Variants in ARL2 observed in about 807,000 individuals in gnomAD.
ARL2 encodes ARF like GTPase 2.
A neutral mutation model predicts 22.0 loss-of-function variants in ARL2; 11 were observed. That is an observed-to-expected ratio of 0.50 (90% CI 0.31 to 0.83). ARL2 has a LOEUF of 0.83. Among genes scored for constraint, ARL2 ranks in the 40% least tolerant of loss-of-function variants. The pLI is 0.04. For missense variants in ARL2, 216 were observed against 243.2 expected, an observed-to-expected ratio of 0.89 and a Z score of 0.74; for synonymous variants, 111 against 100.8, an observed-to-expected ratio of 1.10 and a Z score of -0.61.
At chr11:65,014,705 C>G (rs890313111) in intron 1 of ARL2, among the ~76,000 whole-genome samples, 2 of 152,308 alleles carry the variant, frequency 1.3e-5, no homozygotes, top group Non-Finnish European at 2.9e-5. Context: ...GTGTGGGCTC[C>G]GCGGATCCTT....
intron 1 of ARL2, among the ~76,000 whole-genome samples, chr11:65,016,933 A>T (rs2136904294): frequency 6.6e-6 from 1 of 152,090 alleles, no homozygotes; most frequent in South Asian, 2.1e-4. Context: ...AGGGTGAGCC[A>T]CTCCATCAGG....
chr11:65,015,144 G>A (rs1390580189), intron 1 of ARL2, among the ~76,000 whole-genome samples: 2 of 150,724 alleles, frequency 1.3e-5, no homozygotes, highest in Non-Finnish European at 3.0e-5. Context: ...ACGGAGTTTC[G>A]CTCTTGTTGC....
chr11:65,021,830 C>T lies in ARL2; in HGVS notation c.530C>T (p.Ser177Phe). 1 of 1,613,372 alleles carries T rather than the reference C, an allele frequency of 6.2e-7. No homozygotes were observed. Among genetic ancestry groups the T allele is most frequent in the Non-Finnish European group, 8.5e-7 (1 of 1,179,936 alleles). The part of the protein sequence containing the change: ...PGIDWLLDDI[S>F]SRIFTAD ...ATCGACTGGCTCCTGGATGACATTT[C>T]CAGCCGCATTTTCACAGCTGACTGA... The change falls in exon 5 of 5, where the codon TCC (serine) becomes TTC (phenylalanine). Residue 177 changes from serine (S) to phenylalanine (F), a missense_variant. Transcript: ENST00000246747.
intron 1 of ARL2, among the ~76,000 whole-genome samples, chr11:65,016,290 G>C (rs1000647835): frequency 1.3e-5 from 2 of 149,920 alleles, no homozygotes; most frequent in East Asian, 2.0e-4. Context: ...AAACTTTAAA[G>C]CAAAGGGAAC....
rs1261716989 is a variant in ARL2, at chr11:65,022,077, A to G, written c.*222A>G. 6.5e-6 allele frequency: 4 copies of G among 613,242 alleles called. No homozygotes were observed. The highest frequency in any genetic ancestry group is 1.1e-5 in the Non-Finnish European group (4 of 361,174). The allele number at this position is 613,242 out of a possible 1,614,324, so 38.0% of individuals were successfully genotyped here. ...CTGGCTCCTGACCTGGCCTTTGGCT[A>G]CCATACCAAGAAGAGAGGGCTGGGC... On this transcript the variant is annotated 3_prime_UTR_variant, in exon 5 of 5. Transcript: ENST00000246747.
Position 65,018,856 on chromosome 11 carries a change from C to T in ARL2, c.339+123C>T. ...CAGGATCCCTTCCTTCTCTGGGCCC[C>T]CACCATGGGAGGCCCATGGTGCCAG... On this transcript the variant is annotated intron_variant, in intron 3 of 4. Transcript: ENST00000246747. The surrounding 1 kb of genome is among the most constrained non-coding windows in gnomAD (Gnocchi z 4.2). 6.5e-7 allele frequency: 1 copy of T among 1,540,394 alleles called. No homozygotes were observed. The highest frequency in any genetic ancestry group is 8.7e-7 in the Non-Finnish European group (1 of 1,148,932).
Position 65,021,930 on chromosome 11 carries a change from A to G in ARL2, c.*75A>G. 1 of 1,549,048 alleles carries G rather than the reference A, an allele frequency of 6.5e-7. No homozygotes were observed. The highest frequency in any genetic ancestry group is 1.2e-5 in the South Asian group (1 of 85,232). On this transcript the variant is annotated 3_prime_UTR_variant, in exon 5 of 5. Coordinates refer to ENST00000246747, the MANE Select transcript of ARL2 (RefSeq NM_001667.4). The stretch of plus-strand genomic sequence containing the variant: ...CAAACACTACCCATGGGGGGTTGGG[A>G]GTCAGCCGGCCAAACTAACACTCCC...
In ARL2 at chr11:65,018,657, T is replaced by C; in HGVS notation, c.263T>C (p.Ile88Thr). 6.2e-7 allele frequency: 1 copy of C among 1,614,210 alleles called. No individual in the cohort carries two copies. Among genetic ancestry groups the C allele is most frequent in the Non-Finnish European group, 8.5e-7 (1 of 1,180,038 alleles). ...TACTTTGAGAGCACCGATGGCCTCA[T>C]CTGGGTAGTGGACAGCGCAGACCGC... ...RNYFESTDGL[I>T]WVVDSADRQR... Residue 88 changes from isoleucine to threonine, a missense_variant, in exon 3 of 5, where the codon ATC becomes ACC. By Grantham distance (89) the Ile-to-Thr change is moderately conservative. Coordinates refer to ENST00000246747, the MANE Select transcript of ARL2 (RefSeq NM_001667.4). The surrounding 1 kb of genome is among the most constrained non-coding windows in gnomAD (Gnocchi z 4.2).
chr11:65,018,334 G>C lies in ARL2; in HGVS notation c.66-30G>C, dbSNP rs1338666496. ...CAATGTCACCACCTGGCAGAGAACAGGGACTTCTCCTTAACCTGCTGCGCC... is the reference window on the plus strand; with the variant it reads ...CAATGTCACCACCTGGCAGAGAACACGGACTTCTCCTTAACCTGCTGCGCC... On this transcript the variant is annotated intron_variant, in intron 1 of 4. Transcript: ENST00000246747. This position sits in a 1 kb window ranked among gnomAD's most constrained non-coding sequence, Gnocchi z 4.2. 1 of 1,558,684 alleles carries C rather than the reference G, an allele frequency of 6.4e-7. No individual in the cohort carries two copies. The highest frequency in any genetic ancestry group is 1.9e-5 in the Admixed American group (1 of 52,240).
chr11:65,021,807 C>T lies in ARL2; in HGVS notation c.507C>T (p.Ile169=), dbSNP rs546242758. Reference sequence around the variant, plus strand: ...CCGGGGAGAACCTGCTGCCGGGCATCGACTGGCTCCTGGATGACATTTCCA... The same window carrying T: ...CCGGGGAGAACCTGCTGCCGGGCATTGACTGGCTCCTGGATGACATTTCCA... ...AVTGENLLPG[I]DWLLDDISSR... is the part of the protein sequence containing the mutation. Residue 169 remains isoleucine, a synonymous_variant, in exon 5 of 5, where the codon ATC becomes ATT. Coordinates refer to ENST00000246747, the MANE Select transcript of ARL2 (RefSeq NM_001667.4). 2.3e-4 allele frequency: 375 copies of T among 1,613,482 alleles called. 3 individuals are homozygous for T. The South Asian group carries it at 3.9e-3, about 17-fold the overall frequency.
chr11:65,021,557 T>G, intron 4 of ARL2, 164 bp from the exon 5 acceptor site: 1 of 814,364 alleles, frequency 1.2e-6, no homozygotes, highest in Non-Finnish European at 1.9e-6. Flanking sequence ...GCCCCTGGGG[T>G]CTGACAAACT....
chr11:65,019,192 G>A (rs909293239), intron 3 of ARL2: 11 of 301,266 alleles, frequency 3.7e-5, no homozygotes, highest in Middle Eastern at 1.2e-3. Flanking sequence ...AGCTGTGATC[G>A]TGCCACTGCA....
chr11:65,014,847 C>T (rs111704470), intron 1 of ARL2, among the ~76,000 whole-genome samples: 1 of 152,236 alleles, frequency 6.6e-6, no homozygotes, highest in Admixed American at 6.5e-5. Context: ...GTTAGGCGCC[C>T]GCACCTGTTC....
At chr11:65,015,408 C>G (rs773534760) in intron 1 of ARL2, among the ~76,000 whole-genome samples, 1 of 152,208 alleles carries the variant, frequency 6.6e-6, no homozygotes, top group South Asian at 2.1e-4. Flanking sequence ...TGAGCCACTG[C>G]GCCGGGCCGC....
rs1946333439 is a variant in ARL2 at position 65,021,938 on chromosome 11, G to A, written c.*83G>A. 5.2e-6 allele frequency: 8 copies of A among 1,532,568 alleles called. No individual in the cohort carries two copies. In the Admixed American group the frequency reaches 5.4e-5, roughly 10 times the overall value. The allele number at this position is 1,532,568 out of a possible 1,614,324, so 94.9% of individuals were successfully genotyped here. A position where few individuals can be genotyped will look rare whatever the true frequency, so the allele number is the denominator to read the frequency against. On this transcript the variant is annotated 3_prime_UTR_variant, in exon 5 of 5. Transcript: ENST00000246747. ...ACCCATGGGGGGTTGGGAGTCAGCC[G>A]GCCAAACTAACACTCCCCCTCCTCC...
chr11:65,016,911 G>C (rs573464114), intron 1 of ARL2, among the ~76,000 whole-genome samples: 53 of 152,292 alleles, frequency 3.5e-4, no homozygotes, highest in African/African-American at 1.2e-3. Flanking sequence ...GGCAGCGCAT[G>C]TGCTGGGGAG....
intron 1 of ARL2, among the ~76,000 whole-genome samples, chr11:65,016,546 TG>T (rs1779586878): frequency 6.6e-6 from 1 of 151,872 alleles, no homozygotes; most frequent in South Asian, 2.1e-4. Flanking sequence ...AGTGAGGTCA[TG>T]GAAGTTTCTG....
chr11:65,020,775 A>G (rs1368174914), intron 4 of ARL2, among the ~76,000 whole-genome samples: 1 of 151,952 alleles, frequency 6.6e-6, no homozygotes, highest in Non-Finnish European at 1.5e-5. Flanking sequence ...AGGCTGAGAC[A>G]GGAGAATCGC....
chr11:65,014,527 G>T (rs1946225256), intron 1 of ARL2, among the ~76,000 whole-genome samples: 2 of 152,282 alleles, frequency 1.3e-5, no homozygotes, highest in Admixed American at 1.3e-4. Flanking sequence ...GAGTGTCAGG[G>T]GTGGTGGGTC....
Sources: allele counts gnomAD v4.1 joint callset (sites outside exome capture counted in the v4.1 genomes callset), GRCh38; gene constraint gnomAD v4.1.1; non-coding constraint Gnocchi (gnomAD v3.1); transcripts MANE v1.5; gene names NCBI Gene and HGNC (gene_info 2026-07-23, HGNC 2026-07-21).